CTTNBP2: variants seen among roughly 807,000 people sequenced by gnomAD.
The protein encoded by CTTNBP2 is cortactin binding protein 2.
In CTTNBP2, 108 loss-of-function variants were observed where a neutral mutation model predicts 156.9. The ratio of observed to expected loss-of-function variants is 0.69; its 90% confidence interval spans 0.59 to 0.81. The LOEUF is 0.81. CTTNBP2 is among the 30% of genes least tolerant of loss of function. The pLI is 0.00. For missense variants in CTTNBP2, 1,924 were observed against 2,035.4 expected (o/e 0.95, Z 1.05); for synonymous variants, 767 against 751.8 (o/e 1.02, Z -0.33).
At position 117,766,979 on chromosome 7, in the gene CTTNBP2, T is replaced by G. The variant is rs1180521889; in HGVS notation, c.2896+80A>C. 66 of 813,830 alleles carry G rather than the reference T, an allele frequency of 8.1e-5. 1 individual carries two copies. In the East Asian group the frequency reaches 1.6e-3, roughly 20 times the overall value. 50.4% of individuals were successfully genotyped at this position (813,830 alleles called of 1,614,324 possible). ...AAGGTTAAAAAGGACATGCAAAAGA[T>G]GTAAATAGTTTTTCCCATTGTACCA... On this transcript the variant is annotated intron_variant, in intron 9 of 22. Transcript: ENST00000160373.
At chr7:117,851,521 C>T (rs1802927379) in intron 2 of CTTNBP2, among the ~76,000 whole-genome samples, 1 of 152,154 alleles carries the variant, frequency 6.6e-6, no homozygotes, top group Non-Finnish European at 1.5e-5. Flanking sequence ...CAATCTATTT[C>T]CAAAAGTGGT....
chr7:117,761,443 G>A (rs1797212569), intron 9 of CTTNBP2, among the ~76,000 whole-genome samples: 1 of 152,188 alleles, frequency 6.6e-6, no homozygotes. Flanking sequence ...TCTCATGACT[G>A]AATTGTATGC....
At chr7:117,804,789 C>T (rs1229702631) in intron 3 of CTTNBP2, among the ~76,000 whole-genome samples, 1 of 152,112 alleles carries the variant, frequency 6.6e-6, no homozygotes, top group Admixed American at 6.6e-5. Context: ...AGGGGTAGAG[C>T]ATCAGGAAGG....
At chr7:117,770,056 C>T (rs1455718230) in intron 8 of CTTNBP2, among the ~76,000 whole-genome samples, 1 of 152,156 alleles carries the variant, frequency 6.6e-6, no homozygotes, top group East Asian at 1.9e-4. Context: ...TTATTAGTAG[C>T]TATTATTATT....
At chr7:117,861,453 G>C (rs1475542972) in intron 1 of CTTNBP2, 137 bp from the exon 2 acceptor site, 12 of 624,250 alleles carry the variant, frequency 1.9e-5, no homozygotes. Context: ...ATTTGCAGCA[G>C]ACAATTTACG....
chr7:117,829,208 A>G (rs73477495), intron 2 of CTTNBP2, among the ~76,000 whole-genome samples: 1,902 of 152,296 alleles, frequency 0.012, 39 homozygotes, highest in African/African-American at 0.043. Context: ...TGCAGGAAGG[A>G]GGTCAGGACC....
In CTTNBP2 at chr7:117,796,379, T is replaced by A. The variant is rs532541083; in HGVS notation, c.415-3598A>T. On this transcript the variant is annotated intron_variant, in intron 3 of 22. Coordinates refer to ENST00000160373, the MANE Select transcript of CTTNBP2 (RefSeq NM_033427.3). ...AGCTCAGAGACAAACTATGTGTACT[T>A]AAGAGAATAAGAGATGTAGTACAAA... 8.5e-5 allele frequency among the ~76,000 whole-genome samples: 13 copies of A among 152,288 alleles called. No individual in the cohort carries two copies. The East Asian group carries it at 1.7e-3, about 20-fold the overall frequency.
At chr7:117,862,601 C>T (rs1166492263) in intron 1 of CTTNBP2, among the ~76,000 whole-genome samples, 1 of 152,160 alleles carries the variant, frequency 6.6e-6, no homozygotes, top group African/African-American at 2.4e-5. Context: ...CAGGCACACT[C>T]TGCTCCTCCC....
intron 2 of CTTNBP2, among the ~76,000 whole-genome samples, chr7:117,831,206 C>T (rs1801592193): frequency 6.6e-6 from 1 of 152,298 alleles, no homozygotes; most frequent in African/African-American, 2.4e-5. Context: ...CTCACTATTT[C>T]TTAATATCCT....
At chr7:117,778,400 T>G (rs9969206) in intron 7 of CTTNBP2, among the ~76,000 whole-genome samples, 43,730 of 152,122 alleles carry the variant, frequency 0.29, 11,754 homozygotes, top group African/African-American at 0.71. Context: ...AAAATTATTG[T>G]GTCTGTTTTC....
Position 117,792,130 on chromosome 7 carries a change from T to C in CTTNBP2, c.1066A>G (p.Ile356Val). 3 of 1,614,150 alleles carry C rather than the reference T, an allele frequency of 1.9e-6. No individual in the cohort carries two copies. Among genetic ancestry groups the C allele is most frequent in the South Asian group, 1.1e-5 (1 of 91,064 alleles). Reference protein sequence around the residue: ...CTSATMARPGIDRQASYGDLI... With the variant: ...CTSATMARPGVDRQASYGDLI... ...TCACCATAGGAAGCCTGCCTGTCAATACCTGGTCTGGCCATGGTGGCACTG... is the reference window on the plus strand; with the variant it reads ...TCACCATAGGAAGCCTGCCTGTCAACACCTGGTCTGGCCATGGTGGCACTG... The change falls in exon 4 of 23, where the codon ATT (isoleucine) becomes GTT (valine). Residue 356 changes from isoleucine to valine, a missense_variant. Coordinates refer to ENST00000160373, the MANE Select transcript of CTTNBP2 (RefSeq NM_033427.3). This position sits in a 1 kb window ranked among gnomAD's most constrained non-coding sequence, Gnocchi z 4.2.
At chr7:117,772,237 G>A (rs537440106) in intron 8 of CTTNBP2, among the ~76,000 whole-genome samples, 5 of 152,204 alleles carry the variant, frequency 3.3e-5, no homozygotes, top group Admixed American at 6.5e-5. Context: ...TACTGTGAAT[G>A]TGACCAGACA....
intron 1 of CTTNBP2, among the ~76,000 whole-genome samples, chr7:117,864,709 TATATATTCATATATAC>T (rs1244745226): frequency 6.9e-6 from 1 of 144,790 alleles, no homozygotes; most frequent in African/African-American, 2.5e-5. Flanking sequence ...CATATATTCA[TATATATTCATATATAC>T]ATATATTCAT....
chr7:117,780,697 T>C, intron 6 of CTTNBP2, 106 bp from the exon 7 acceptor site: 1 of 552,086 alleles, frequency 1.8e-6, no homozygotes, highest in Non-Finnish European at 3.0e-6. Flanking sequence ...TGCATCTTTA[T>C]ATACATCAAT....
At chr7:117,838,970 G>T (rs1488288276) in intron 2 of CTTNBP2, among the ~76,000 whole-genome samples, 1 of 115,790 alleles carries the variant, frequency 8.6e-6, no homozygotes, top group Non-Finnish European at 1.7e-5. Context: ...GCGGGGGCGG[G>T]GGGGGGGCTT....
At chr7:117,854,323 A>C (rs1803119254) in intron 2 of CTTNBP2, among the ~76,000 whole-genome samples, 1 of 152,232 alleles carries the variant, frequency 6.6e-6, no homozygotes, top group Non-Finnish European at 1.5e-5. Context: ...TCTGAAATAC[A>C]AAAGACTGCA....
rs371410012 is a variant in CTTNBP2 at position 117,816,924 on chromosome 7, G to T, written c.190-5935C>A. Among the ~76,000 whole-genome samples, 3 of 152,172 alleles carry T rather than the reference G, an allele frequency of 2.0e-5. No homozygotes were observed. In the South Asian group the frequency reaches 6.2e-4, roughly 32 times the overall value. ...AGAGAATGACTTGGTTTATGGATCA[G>T]AATTACTTGAGAATGAAACGCACTT... On this transcript the variant is annotated intron_variant, in intron 2 of 22. Coordinates refer to ENST00000160373, the MANE Select transcript of CTTNBP2 (RefSeq NM_033427.3).
chr7:117,726,814 G>C (rs189276132), intron 17 of CTTNBP2, among the ~76,000 whole-genome samples: 1 of 152,264 alleles, frequency 6.6e-6, no homozygotes, highest in East Asian at 1.9e-4. Flanking sequence ...AGGGATAAAG[G>C]GAATCTATGT....
chr7:117,719,430 G>C, intron 21 of CTTNBP2, 74 bp downstream of exon 21: 1 of 1,360,054 alleles, frequency 7.4e-7, no homozygotes, highest in Non-Finnish European at 1.0e-6. Flanking sequence ...ATTTCTTTTA[G>C]GGAATTGTGG....
Sources: allele counts gnomAD v4.1 joint callset (sites outside exome capture counted in the v4.1 genomes callset), GRCh38; gene constraint gnomAD v4.1.1; non-coding constraint Gnocchi (gnomAD v3.1); transcripts MANE v1.5; gene names NCBI Gene and HGNC (gene_info 2026-07-23, HGNC 2026-07-21).